The following DYNC1I1 variants were observed in gnomAD, a reference collection of about 807,000 sequenced individuals.
DYNC1I1 encodes cytoplasmic dynein 1 intermediate chain 1.
A neutral mutation model predicts 86.6 loss-of-function variants in DYNC1I1; 43 were observed. The ratio of observed to expected loss-of-function variants is 0.50; its 90% confidence interval spans 0.39 to 0.64. The LOEUF is 0.64. DYNC1I1 is among the 30% of genes least tolerant of loss of function. The pLI, the probability that DYNC1I1 is intolerant of heterozygous loss-of-function variation, is 0.00. For synonymous variants in DYNC1I1, 262 were observed against 283.7 expected, an observed-to-expected ratio of 0.92 and a Z score of 0.77; for missense variants, 604 against 788.8, an observed-to-expected ratio of 0.77 and a Z score of 2.81.
chr7:95,871,093 G>C (rs975077410), intron 6 of DYNC1I1, among the ~76,000 whole-genome samples: 4 of 152,170 alleles, frequency 2.6e-5, no homozygotes, highest in African/African-American at 9.6e-5. Context: ...CAGGTTTTCA[G>C]TTTTGGTTCT....
intron 6 of DYNC1I1, among the ~76,000 whole-genome samples, chr7:95,961,585 T>A (rs1792870101): frequency 6.6e-6 from 1 of 152,116 alleles, no homozygotes; most frequent in Admixed American, 6.5e-5. Flanking sequence ...ATGGCAGAAG[T>A]TGAATACAAA....
intron 16 of DYNC1I1, among the ~76,000 whole-genome samples, chr7:96,092,945 A>AGAC (rs1790890647): frequency 6.6e-6 from 1 of 152,060 alleles, no homozygotes; most frequent in Non-Finnish European, 1.5e-5. Context: ...GTGAGTCTTG[A>AGAC]TTGCCCCACA....
chr7:95,783,496 G>C (rs1385949609), intron 1 of DYNC1I1, among the ~76,000 whole-genome samples: 3 of 152,028 alleles, frequency 2.0e-5, no homozygotes, highest in Non-Finnish European at 4.4e-5. Context: ...CCTACAATGT[G>C]GTTATATGTT....
chr7:95,880,210 C>G (rs1790416116), intron 6 of DYNC1I1, among the ~76,000 whole-genome samples: 1 of 152,148 alleles, frequency 6.6e-6, no homozygotes, highest in African/African-American at 2.4e-5. Context: ...GGAAATCTAA[C>G]CCAGTCCTCC....
intron 6 of DYNC1I1, among the ~76,000 whole-genome samples, chr7:95,967,126 A>G (rs957768528): frequency 6.6e-6 from 1 of 152,132 alleles, no homozygotes; most frequent in Non-Finnish European, 1.5e-5. Flanking sequence ...AATGGAGCCT[A>G]CTCCCAAGAA....
rs557320178 is a variant in DYNC1I1, at chr7:95,982,021, T to C, written c.581-2794T>C. Among the ~76,000 whole-genome samples the C allele has an allele frequency of 4.2e-4, 64 of 152,274 alleles. 1 individual carries two copies. Among genetic ancestry groups the C allele is most frequent in the Non-Finnish European group, 2.9e-5 (2 of 68,008 alleles). ...ACCAATTTTCTTTCATGAAATATGA[T>C]GCCTGGAGAGGTTTTTATCTCTGAA... On this transcript the variant is annotated intron_variant, in intron 7 of 16. Coordinates refer to ENST00000447467, the MANE Select transcript of DYNC1I1 (RefSeq NM_001135556.2).
chr7:95,987,250 C>G, intron 9 of DYNC1I1, 95 bp downstream of exon 9: 1 of 1,063,828 alleles, frequency 9.4e-7, no homozygotes, highest in Non-Finnish European at 1.4e-6. Context: ...CTACGATTTC[C>G]TCTCTATGCC....
chr7:96,098,876 C>A (rs775543599), downstream of DYNC1I1, among the ~76,000 whole-genome samples: 4 of 152,116 alleles, frequency 2.6e-5, no homozygotes, highest in Non-Finnish European at 5.9e-5. Context: ...GAAAAACATT[C>A]GAAGACAGGC....
chr7:95,945,143 A>G (rs1413893631), intron 6 of DYNC1I1, among the ~76,000 whole-genome samples: 1 of 152,048 alleles, frequency 6.6e-6, no homozygotes, highest in Non-Finnish European at 1.5e-5. Flanking sequence ...AATCAGATGC[A>G]TTTATGGTAG....
intron 1 of DYNC1I1, among the ~76,000 whole-genome samples, chr7:95,796,474 T>C (rs1794438849): frequency 6.6e-6 from 1 of 152,056 alleles, no homozygotes; most frequent in Non-Finnish European, 1.5e-5. Flanking sequence ...CCATGCTCTA[T>C]AGGGTCTTTT....
At chr7:96,060,875 T>C (rs1562989674) in intron 14 of DYNC1I1, among the ~76,000 whole-genome samples, 1 of 150,836 alleles carries the variant, frequency 6.6e-6, no homozygotes, top group Non-Finnish European at 1.5e-5. Flanking sequence ...GAAGAGTGTA[T>C]TTAAATACTA....
At chr7:96,045,317 A>T (rs1789177247) in intron 14 of DYNC1I1, among the ~76,000 whole-genome samples, 1 of 152,208 alleles carries the variant, frequency 6.6e-6, no homozygotes, top group African/African-American at 2.4e-5. Context: ...TCATGTGTAT[A>T]GCTGAAGTCT....
At chr7:96,084,035 T>C (rs1321327982) in intron 16 of DYNC1I1, among the ~76,000 whole-genome samples, 3 of 152,096 alleles carry the variant, frequency 2.0e-5, no homozygotes, top group African/African-American at 2.4e-5. Flanking sequence ...CTCCCAGTGT[T>C]GATTTGAGGA....
chr7:95,928,157 C>T (rs1311861064), intron 6 of DYNC1I1, among the ~76,000 whole-genome samples: 1 of 152,178 alleles, frequency 6.6e-6, no homozygotes, highest in African/African-American at 2.4e-5. Context: ...TGCCTTGCTT[C>T]CTCCTTCAGG....
At chr7:96,066,257 C>G (rs1313990297) in intron 14 of DYNC1I1, among the ~76,000 whole-genome samples, 2 of 152,138 alleles carry the variant, frequency 1.3e-5, no homozygotes, top group African/African-American at 4.8e-5. Context: ...CTGTCAAAGT[C>G]TATGTATCTT....
intron 5 of DYNC1I1, among the ~76,000 whole-genome samples, chr7:95,843,970 T>C (rs774622045): frequency 6.6e-6 from 1 of 152,206 alleles, no homozygotes; most frequent in Non-Finnish European, 1.5e-5. Context: ...GGAACTGCAA[T>C]GGGAAAATTT....
chr7:95,920,733 A>G (rs1791588314), intron 6 of DYNC1I1, among the ~76,000 whole-genome samples: 1 of 152,224 alleles, frequency 6.6e-6, no homozygotes, highest in African/African-American at 2.4e-5. Context: ...ATGACTTTAA[A>G]TTAGACAAAA....
At chr7:95,772,878 G>A (rs1479013258) in intron 1 of DYNC1I1, 105 bp downstream of exon 1, 1 of 147,678 alleles carries the variant, frequency 6.8e-6, no homozygotes, top group African/African-American at 2.5e-5. Context: ...GGCTGGAGCC[G>A]AGGCCCCTGC....
intron 4 of DYNC1I1, 85 bp from the exon 5 acceptor site, chr7:95,827,972 G>A (rs1795239424): frequency 7.1e-7 from 1 of 1,408,244 alleles, no homozygotes; most frequent in Non-Finnish European, 1.0e-6. Context: ...CTCTTGCCTT[G>A]ATGAATGACA....
Sources: gnomAD v4.1 joint callset for allele counts (sites outside exome capture counted in the v4.1 genomes callset) on GRCh38, gnomAD v4.1.1 for gene constraint, MANE v1.5 for transcripts, NCBI Gene and HGNC (gene_info 2026-07-23, HGNC 2026-07-21) for gene names.